RSPH4A: variants seen among roughly 807,000 people sequenced by gnomAD.
RSPH4A encodes radial spoke head protein 4 homolog A.
A neutral mutation model predicts 71.0 loss-of-function variants in RSPH4A; 47 were observed. The ratio of observed to expected loss-of-function variants is 0.66; its 90% CI spans 0.52 to 0.84. RSPH4A has a LOEUF of 0.84. RSPH4A is among the 40% of genes least tolerant of loss of function. RSPH4A has a pLI of 0.00. For synonymous variants in RSPH4A, 282 were observed against 302.3 expected (o/e 0.93, Z 0.70); for missense variants, 793 against 855.2 (o/e 0.93, Z 0.91).
intron 5 of RSPH4A, among the ~76,000 whole-genome samples, chr6:116,630,890 C>A: frequency 7.3e-6 from 1 of 136,208 alleles, no homozygotes; most frequent in Admixed American, 7.7e-5. Flanking sequence ...AAGGTTTCAC[C>A]ATGTTGGCCA....
rs912056059 is a variant in RSPH4A, at chr6:116,632,076, G to T, written c.1917-131G>T. 1.3e-4 allele frequency: 84 copies of T among 655,716 alleles called. 2 individuals carry two copies. In the East Asian group the frequency reaches 2.2e-3, roughly 17 times the overall value. The allele number at this position is 655,716 out of a possible 1,614,324, so 40.6% of individuals were successfully genotyped here. A position where few individuals can be genotyped will look rare whatever the true frequency, so the allele number is the denominator to read the frequency against. The stretch of plus-strand genomic sequence containing the variant: ...ATCATTGAGGAATATTTCACTTCTA[G>T]CATTTTACATGTATTGCTTTTTTAA... On this transcript the variant is annotated intron_variant, in intron 5 of 5. Coordinates refer to ENST00000229554, the MANE Select transcript of RSPH4A (RefSeq NM_001010892.3).
chr6:116,630,035 T>C (rs1775767337), intron 4 of RSPH4A, among the ~76,000 whole-genome samples: 1 of 152,202 alleles, frequency 6.6e-6, no homozygotes, highest in Admixed American at 6.5e-5. Flanking sequence ...CGTCCTGGTT[T>C]TTAAAAACTC....
At chr6:116,630,855 T>TTTG (rs1583352549) in intron 5 of RSPH4A, among the ~76,000 whole-genome samples, 1 of 139,738 alleles carries the variant, frequency 7.2e-6, no homozygotes, top group African/African-American at 2.6e-5. Context: ...GTATTTTTTT[T>TTTG]TTTTTTTTTT....
At chr6:116,632,056 T>G (rs1202582090) in intron 5 of RSPH4A, 151 bp from the exon 6 acceptor site, 3 of 610,264 alleles carry the variant, frequency 4.9e-6, no homozygotes, top group Non-Finnish European at 8.6e-6. Context: ...GAAGAATCAT[T>G]GAGGAATATT....
rs759590293 is a variant in RSPH4A at position 116,628,263 on chromosome 6, G to A, written c.1556G>A (p.Gly519Glu). ...EGEEEEEAEG[G>E]RNSFEENPDF... ...GAGGAGGAGGAAGAGGCAGAAGGTG[G>A]GCGAAATAGCTTTGAGGAAAACCCT... Residue 519 changes from glycine to glutamate, a missense_variant, in exon 3 of 6, where the codon GGG becomes GAG. Transcript: ENST00000229554. 1 of 1,611,572 alleles carries A rather than the reference G, an allele frequency of 6.2e-7. No homozygotes were observed. The highest frequency in any genetic ancestry group is 8.5e-7 in the Non-Finnish European group (1 of 1,178,384).
At chr6:116,631,858 G>C (rs544720346) in intron 5 of RSPH4A, among the ~76,000 whole-genome samples, 1 of 152,176 alleles carries the variant, frequency 6.6e-6, no homozygotes, top group East Asian at 1.9e-4. Context: ...TGCACAGTTA[G>C]CTATTTTTAT....
intron 2 of RSPH4A, among the ~76,000 whole-genome samples, chr6:116,626,096 A>G (rs1389711363): frequency 6.6e-6 from 1 of 152,226 alleles, no homozygotes; most frequent in Non-Finnish European, 1.5e-5. Context: ...AAATAGTTCT[A>G]GAGGGCCAAG....
At chr6:116,618,339 T>C (rs532298076) in intron 1 of RSPH4A, among the ~76,000 whole-genome samples, 22 of 152,376 alleles carry the variant, frequency 1.4e-4, no homozygotes, top group African/African-American at 5.0e-4. Flanking sequence ...ACTTATATTT[T>C]AATATCTGAC....
Position 116,617,070 on chromosome 6 carries a change from C to T in RSPH4A, c.447C>T (p.Thr149=), listed in dbSNP as rs1387309660. 6.2e-7 allele frequency: 1 copy of T among 1,614,172 alleles called. No individual in the cohort carries two copies. Among genetic ancestry groups the T allele is most frequent in the Admixed American group, 1.7e-5 (1 of 60,032 alleles). Residue 149 remains threonine, a synonymous_variant, in exon 1 of 6, where the codon ACC becomes ACT. Transcript: ENST00000229554. ...ACACAAGCCAGTCAGAAGGAAACAC[C>T]TTTCAACAGTCTCAGCAACCCAAAC... ...PHHTSQSEGN[T]FQQSQQPKPH...
In RSPH4A at chr6:116,616,929, A is replaced by T. The variant is rs1433422951; in HGVS notation, c.306A>T (p.Gln102His). 6.2e-7 allele frequency: 1 copy of T among 1,614,048 alleles called. No individual in the cohort carries two copies. The highest frequency in any genetic ancestry group is 8.5e-7 in the Non-Finnish European group (1 of 1,180,028). Reference protein sequence around the residue: ...SSPSPLAPARQDLAAPPQSDR... With the variant: ...SSPSPLAPARHDLAAPPQSDR... ...CTTCTCCCCTGGCTCCGGCCAGACAAGACCTCGCGGCACCACCTCAGTCGG... is the reference window on the plus strand; with the variant it reads ...CTTCTCCCCTGGCTCCGGCCAGACATGACCTCGCGGCACCACCTCAGTCGG... Residue 102 changes from glutamine to histidine, a missense_variant, in exon 1 of 6, where the codon CAA becomes CAT. Transcript: ENST00000229554.
chr6:116,618,659 G>A (rs1465497984), intron 1 of RSPH4A, among the ~76,000 whole-genome samples: 3 of 152,212 alleles, frequency 2.0e-5, no homozygotes, highest in East Asian at 1.9e-4. Context: ...GATTACAGGC[G>A]TAAGCCACTG....
Position 116,622,961 on chromosome 6 carries a change from G to C in RSPH4A, c.880G>C (p.Gly294Arg). ...AEKQKALFLQ[G>R]HLEGVDQELE... ...AAAGCAAAAGGCTCTTTTTCTCCAG[G>C]GACATTTGGAAGGAGTTGACCAAGA... is the stretch of plus-strand genomic sequence containing the variant. The change falls in exon 2 of 6, where the codon GGA becomes CGA. Residue 294 changes from glycine to arginine, a missense_variant. Gly to Arg is a moderately radical substitution (Grantham distance 125). Transcript: ENST00000229554. 1 of 1,613,314 alleles carries C rather than the reference G, an allele frequency of 6.2e-7. No homozygotes were observed. Among genetic ancestry groups the C allele is most frequent in the South Asian group, 1.1e-5 (1 of 91,030 alleles).
At position 116,627,708 on chromosome 6, in the gene RSPH4A, C is replaced by A. The variant is rs149463940; in HGVS notation, c.1001C>A (p.Thr334Lys). 87 of 1,614,034 alleles carry A rather than the reference C, an allele frequency of 5.4e-5. No individual in the cohort carries two copies. In the African/African-American group the frequency reaches 1.1e-3, roughly 21 times the overall value. Reference sequence around the variant, plus strand: ...GGAGTTGGTTTGGGCACAGATGAGACATACCGCATATTTCTTGCCCTCAAG... The same window carrying A: ...GGAGTTGGTTTGGGCACAGATGAGAAATACCGCATATTTCTTGCCCTCAAG... ...QAGVGLGTDETYRIFLALKQL... is the reference protein window; with the variant it reads ...QAGVGLGTDEKYRIFLALKQL... The change falls in exon 3 of 6, where the codon ACA becomes AAA. Residue 334 changes from threonine to lysine, a missense_variant. Physicochemically the swap from Thr to Lys is moderately conservative, Grantham distance 78 (BLOSUM62 -1). Coordinates refer to ENST00000229554, the MANE Select transcript of RSPH4A (RefSeq NM_001010892.3).
At chr6:116,628,495 T>A (rs965002787) in intron 3 of RSPH4A, 126 bp downstream of exon 3, 1 of 771,224 alleles carries the variant, frequency 1.3e-6, no homozygotes, top group Non-Finnish European at 2.1e-6. Context: ...GGAAAAGAGA[T>A]AATTAAAAAC....
At position 116,629,594 on chromosome 6, in the gene RSPH4A, C is replaced by T. The variant is rs1554249521; in HGVS notation, c.1690C>T (p.Gln564Ter). 1.2e-6 allele frequency: 2 copies of T among 1,611,944 alleles called. No individual in the cohort carries two copies. The highest frequency in any genetic ancestry group is 1.7e-5 in the Admixed American group (1 of 59,994). ...TCGCTGTAATTGGTTCAACTCCATA[C>T]AAAAAAATGAGGAAGAAGAAGAGGA... ...QGRCNWFNSIQKNEEEEEEED... is the reference protein window; with the variant it reads ...QGRCNWFNSI The change falls in exon 4 of 6, where the codon CAA becomes TAA. Residue 564 changes from glutamine to a stop codon, truncating the protein, a stop_gained. Coordinates refer to ENST00000229554, the MANE Select transcript of RSPH4A (RefSeq NM_001010892.3). LOFTEE classifies it high-confidence loss of function.
Position 116,630,454 on chromosome 6 carries a change from C to T in RSPH4A, c.1818C>T (p.Pro606=). The part of the protein sequence containing the change: ...SEDLEIQNIP[P]WTTRLSSNLI... ...TTCCAGAGATTCAGAATATACCCCC[C>T]TGGACAACACGGTTATCCTCAAATC... The change falls in exon 5 of 6, where the codon CCC becomes CCT. Residue 606 remains proline (P), a synonymous_variant. Transcript: ENST00000229554. 9 of 1,599,078 alleles carry T rather than the reference C, an allele frequency of 5.6e-6. No homozygotes were observed. Among genetic ancestry groups the T allele is most frequent in the Non-Finnish European group, 6.9e-6 (8 of 1,166,454 alleles).
chr6:116,630,336 T>C (rs1775772958), intron 4 of RSPH4A, 99 bp from the exon 5 acceptor site: 2 of 775,552 alleles, frequency 2.6e-6, no homozygotes, highest in Non-Finnish European at 4.7e-6. Context: ...TCTGTGTGTG[T>C]GCATGCATGT....
Position 116,617,100 on chromosome 6 carries a change from C to A in RSPH4A, c.477C>A (p.His159Gln). The A allele has an allele frequency of 6.2e-7, 1 of 1,614,208 alleles. No homozygotes were observed. Among genetic ancestry groups the A allele is most frequent in the Non-Finnish European group, 8.5e-7 (1 of 1,180,046 alleles). ...AACAGTCTCAGCAACCCAAACCCCACCTGTGTGGACGAAGGGACGTGAGCT... is the reference window on the plus strand; with the variant it reads ...AACAGTCTCAGCAACCCAAACCCCAACTGTGTGGACGAAGGGACGTGAGCT... The part of the protein sequence containing the change: ...TFQQSQQPKP[H>Q]LCGRRDVSYN... The change falls in exon 1 of 6, where the codon CAC (histidine) becomes CAA (glutamine). Residue 159 changes from histidine (H) to glutamine (Q), a missense_variant. Transcript: ENST00000229554.
At chr6:116,624,521 C>A (rs920887751) in intron 2 of RSPH4A, among the ~76,000 whole-genome samples, 43 of 152,246 alleles carry the variant, frequency 2.8e-4, no homozygotes, top group African/African-American at 1.0e-3. Context: ...GGCCCTTTAA[C>A]TAGATTCCAT....
Sources: gnomAD v4.1 joint callset for allele counts (sites outside exome capture counted in the v4.1 genomes callset) on GRCh38, gnomAD v4.1.1 for gene constraint, MANE v1.5 for transcripts, NCBI Gene and HGNC (gene_info 2026-07-23, HGNC 2026-07-21) for gene names.